Variants in NGDN observed in about 807,000 individuals in gnomAD.
NGDN encodes the protein neuroguidin.
A neutral mutation model predicts 45.2 loss-of-function variants in NGDN; 41 were observed. The ratio of observed to expected loss-of-function variants is 0.91; its 90% CI spans 0.71 to 1.18. NGDN has a LOEUF of 1.18. NGDN is among the 50% of genes most tolerant of loss of function. NGDN has a pLI of 0.00. For missense variants in NGDN, 402 were observed against 399.9 expected (o/e 1.01, Z -0.05); for synonymous variants, 137 against 130.9 (o/e 1.05, Z -0.32).
chr14:23,475,525 G>T (rs1461565488), intron 4 of NGDN, 33 bp from the exon 5 acceptor site: 10 of 1,603,404 alleles, frequency 6.2e-6, no homozygotes, highest in Admixed American at 1.7e-5. Flanking sequence ...TTTTGGGAAG[G>T]AAATATAATC....
chr14:23,470,043 G>A lies in NGDN; in HGVS notation c.14G>A (p.Gly5Glu), dbSNP rs569200148. 5 of 1,613,976 alleles carry A rather than the reference G, an allele frequency of 3.1e-6. No homozygotes were observed. In the South Asian group the frequency reaches 4.4e-5, roughly 14 times the overall value. ...TTACGCCTCCTCTCCCTTCTGTAGGGGGTGCTGGAGTCCGACCTGCCAAGT... is the reference window on the plus strand; with the variant it reads ...TTACGCCTCCTCTCCCTTCTGTAGGAGGTGCTGGAGTCCGACCTGCCAAGT... Reference protein sequence around the residue: MAALGVLESDLPSAV... With the variant: MAALEVLESDLPSAV... The change falls in exon 2 of 11, where the codon GGG becomes GAG. Residue 5 changes from glycine (G) to glutamate (E), a missense_variant and splice_region_variant. Gly to Glu is a moderately conservative substitution (Grantham distance 98). Coordinates refer to ENST00000408901, the MANE Select transcript of NGDN (RefSeq NM_001042635.2).
chr14:23,473,923 A>G (rs1437117159), intron 3 of NGDN, among the ~76,000 whole-genome samples: 1 of 151,818 alleles, frequency 6.6e-6, no homozygotes, highest in Non-Finnish European at 1.5e-5. Flanking sequence ...CTGTAGTCCC[A>G]GCTACTTGGG....
At chr14:23,473,667 TAAAC>T (rs969202289) in intron 3 of NGDN, among the ~76,000 whole-genome samples, 6 of 152,100 alleles carry the variant, frequency 3.9e-5, no homozygotes, top group South Asian at 4.2e-4. Context: ...TCTTAAATCT[TAAAC>T]AAAGATTTAA....
intron 3 of NGDN, among the ~76,000 whole-genome samples, chr14:23,473,484 C>G (rs1893830367): frequency 6.6e-6 from 1 of 152,062 alleles, no homozygotes; most frequent in African/African-American, 2.4e-5. Context: ...TTATTTGGGC[C>G]TCATAATTAT....
At position 23,475,657 on chromosome 14, in the gene NGDN, C is replaced by T; in HGVS notation, c.367+15C>T. 6.2e-7 allele frequency: 1 copy of T among 1,613,692 alleles called. No homozygotes were observed. Among genetic ancestry groups the T allele is most frequent in the Non-Finnish European group, 8.5e-7 (1 of 1,179,568 alleles). On this transcript the variant is annotated intron_variant, in intron 5 of 10. Transcript: ENST00000408901. Reference sequence around the variant, plus strand: ...AGGCAGCCTTAGTAAGTGAGGAGACCATCATGAAGTTGTGGGGACCATCAG... The same window carrying T: ...AGGCAGCCTTAGTAAGTGAGGAGACTATCATGAAGTTGTGGGGACCATCAG...
At chr14:23,472,182 T>TAACAAAA (rs1893795089) in intron 3 of NGDN, among the ~76,000 whole-genome samples, 1 of 82,096 alleles carries the variant, frequency 1.2e-5, no homozygotes, top group Admixed American at 1.5e-4. Context: ...GAGACTGTCT[T>TAACAAAA]AAAAAAAAAA....
At chr14:23,473,568 T>G (rs1161456988) in intron 3 of NGDN, among the ~76,000 whole-genome samples, 1 of 152,062 alleles carries the variant, frequency 6.6e-6, no homozygotes, top group Non-Finnish European at 1.5e-5. Context: ...GGGTCACGGC[T>G]GTAATCCCAG....
At chr14:23,471,762 G>T (rs1382797050) in intron 3 of NGDN, among the ~76,000 whole-genome samples, 2 of 150,912 alleles carry the variant, frequency 1.3e-5, no homozygotes, top group Non-Finnish European at 2.9e-5. Flanking sequence ...AGTAAGCTGT[G>T]ATTGTGCCAC....
At chr14:23,475,130 TA>T in intron 3 of NGDN, 40 bp from the exon 4 acceptor site, 4 of 1,583,744 alleles carry the variant, frequency 2.5e-6, no homozygotes, top group Non-Finnish European at 3.4e-6. Context: ...GTTCTTTGGC[TA>T]AAACCAAATC....
At position 23,469,731 on chromosome 14, in the gene NGDN, A is replaced by G. The variant is rs771809304; in HGVS notation, c.12+4A>G. On this transcript the variant is annotated splice_donor_region_variant and intron_variant, in intron 1 of 10. Coordinates refer to ENST00000408901, the MANE Select transcript of NGDN (RefSeq NM_001042635.2). ...CTTTGCGAAGATGGCGGCGCTGGTG[A>G]GTTTGGTGTGGTTTCTTCCTCGCGT... 3 of 1,614,076 alleles carry G rather than the reference A, an allele frequency of 1.9e-6. No individual in the cohort carries two copies. Among genetic ancestry groups the G allele is most frequent in the African/African-American group, 1.3e-5 (1 of 75,020 alleles).
At chr14:23,473,690 T>A (rs754699552) in intron 3 of NGDN, among the ~76,000 whole-genome samples, 2 of 151,838 alleles carry the variant, frequency 1.3e-5, no homozygotes, top group African/African-American at 4.8e-5. Flanking sequence ...AAATTTTTTT[T>A]AAATAAAAAT....
chr14:23,477,079 G>T lies in NGDN; in HGVS notation c.714-121G>T. On this transcript the variant is annotated intron_variant, in intron 8 of 10. Transcript: ENST00000408901. ...TCCTTACTAAATACTATGTTGATCTGCTGTGAAACTTCTTGAGAACTCCCT... is the reference window on the plus strand; with the variant it reads ...TCCTTACTAAATACTATGTTGATCTTCTGTGAAACTTCTTGAGAACTCCCT... The T allele has an allele frequency of 3.7e-6, 3 of 815,250 alleles. 1 individual carries two copies. The South Asian group carries it at 5.0e-5, about 14-fold the overall frequency. The allele number at this position is 815,250 out of a possible 1,614,324, so 50.5% of individuals were successfully genotyped here.
At chr14:23,475,037 G>A in intron 3 of NGDN, 134 bp from the exon 4 acceptor site, 1 of 758,698 alleles carries the variant, frequency 1.3e-6, no homozygotes, top group Non-Finnish European at 2.0e-6. Context: ...TACTTCTTGA[G>A]ACTATTCCAG....
In NGDN at chr14:23,473,044, G is replaced by A. The variant is rs188845797; in HGVS notation, c.144+2067G>A. ...AGATGGAGTCTCCCTCTGTCGCCCC[G>A]GCTGGAGTGCAGTGGCACGATCCTG... On this transcript the variant is annotated intron_variant, in intron 3 of 10. Coordinates refer to ENST00000408901, the MANE Select transcript of NGDN (RefSeq NM_001042635.2). Among the ~76,000 whole-genome samples, 90 of 152,196 alleles carry A rather than the reference G, an allele frequency of 5.9e-4. 1 individual carries two copies. Among genetic ancestry groups the A allele is most frequent in the African/African-American group, 1.8e-3 (74 of 41,524 alleles).
intron 3 of NGDN, among the ~76,000 whole-genome samples, chr14:23,474,654 C>T (rs1299917160): frequency 2.6e-5 from 4 of 152,164 alleles, no homozygotes; most frequent in South Asian, 2.1e-4. Context: ...AATTCGATGT[C>T]ATTATATATA....
In NGDN at chr14:23,475,631, C is replaced by G; in HGVS notation, c.356C>G (p.Thr119Arg). ...GACAAGCTGATCAAGACTGCAGTGA[C>G]AGGCAGCCTTAGTAAGTGAGGAGAC... ...QIDKLIKTAV[T>R]GSLSENDPLR... The change falls in exon 5 of 11, where the codon ACA (threonine) becomes AGA (arginine). Residue 119 changes from threonine (T) to arginine (R), a missense_variant. By Grantham distance (71) the Thr-to-Arg change is moderately conservative. Transcript: ENST00000408901. 1 of 1,614,168 alleles carries G rather than the reference C, an allele frequency of 6.2e-7. No homozygotes were observed. Among genetic ancestry groups the G allele is most frequent in the Middle Eastern group, 1.7e-4 (1 of 6,058 alleles).
intron 3 of NGDN, among the ~76,000 whole-genome samples, chr14:23,471,955 C>A (rs1284491611): frequency 6.6e-6 from 1 of 151,934 alleles, no homozygotes; most frequent in African/African-American, 2.4e-5. Flanking sequence ...CTTTGGGAGG[C>A]CAGAGTGGGA....
At position 23,476,369 on chromosome 14, in the gene NGDN, T is replaced by C; in HGVS notation, c.675T>C (p.His225=). The C allele has an allele frequency of 1.2e-6, 2 of 1,612,674 alleles. No homozygotes were observed. The highest frequency in any genetic ancestry group is 1.7e-6 in the Non-Finnish European group (2 of 1,179,970). ...DAPEEIRDAR[H]PHVTRQSQED... ...CAGAGGAAATCCGTGATGCTCGGCATCCCCATGTTACCCGCCAGAGTCAGG... is the reference window on the plus strand; with the variant it reads ...CAGAGGAAATCCGTGATGCTCGGCACCCCCATGTTACCCGCCAGAGTCAGG... Residue 225 remains histidine (H), a synonymous_variant, in exon 8 of 11, where the codon CAT becomes CAC. Transcript: ENST00000408901.
At chr14:23,476,514 A>C in intron 8 of NGDN, 107 bp downstream of exon 8, 1 of 1,022,616 alleles carries the variant, frequency 9.8e-7, no homozygotes, top group South Asian at 2.1e-5. Context: ...GTTACATAGA[A>C]AATGGAGTGA....
Sources: allele counts gnomAD v4.1 joint callset (sites outside exome capture counted in the v4.1 genomes callset), GRCh38; gene constraint gnomAD v4.1.1; transcripts MANE v1.5; gene names NCBI Gene and HGNC (gene_info 2026-07-23, HGNC 2026-07-21).